Variants in ZNF148 observed in about 807,000 individuals in gnomAD.
ZNF148 encodes the protein zinc finger protein 148.
In ZNF148, 7 loss-of-function variants were observed where a neutral mutation model predicts 67.7. That is an observed-to-expected ratio of 0.10 (90% CI 0.06 to 0.19). The LOEUF (loss-of-function observed/expected upper bound fraction) is 0.19, where lower values mean the gene tolerates loss of function less well. Ranked by LOEUF, ZNF148 falls within the 10% of genes least tolerant of loss-of-function variation. ZNF148 has a pLI of 1.00. For synonymous variants in ZNF148, 333 were observed against 330.7 expected (o/e 1.01, Z -0.08); for missense variants, 583 against 947.1 (o/e 0.62, Z 5.05).
intron 7 of ZNF148, among the ~76,000 whole-genome samples, chr3:125,270,579 G>T (rs143800524): frequency 2.0e-5 from 3 of 152,292 alleles, no homozygotes; most frequent in African/African-American, 7.2e-5. Flanking sequence ...CTACATTAAA[G>T]GAAGGCAGGT....
chr3:125,366,034 A>C (rs891705190), intron 1 of ZNF148, among the ~76,000 whole-genome samples: 1 of 152,116 alleles, frequency 6.6e-6, no homozygotes, highest in Admixed American at 6.5e-5. Context: ...CATTACCCGC[A>C]ATCTACCCAG....
chr3:125,277,496 T>C (rs189768095), intron 7 of ZNF148, among the ~76,000 whole-genome samples: 4 of 152,306 alleles, frequency 2.6e-5, no homozygotes, highest in Non-Finnish European at 5.9e-5. Context: ...ACTTTAAACA[T>C]ATATTTTAGG....
At chr3:125,249,848 A>C (rs1204174336) in intron 7 of ZNF148, among the ~76,000 whole-genome samples, 2 of 152,208 alleles carry the variant, frequency 1.3e-5, no homozygotes, top group East Asian at 3.8e-4. Flanking sequence ...TATTCAGCTT[A>C]AAAAAGGAAA....
chr3:125,278,575 T>G (rs1246128457), intron 6 of ZNF148, among the ~76,000 whole-genome samples: 2 of 152,098 alleles, frequency 1.3e-5, no homozygotes. Context: ...ACTGGCACTG[T>G]TGGTCACATC....
chr3:125,242,496 G>A (rs764028733), intron 7 of ZNF148, among the ~76,000 whole-genome samples: 4 of 152,180 alleles, frequency 2.6e-5, no homozygotes, highest in Admixed American at 6.5e-5. Context: ...GGTGGCACAC[G>A]CCTAATCCCA....
intron 5 of ZNF148, among the ~76,000 whole-genome samples, chr3:125,284,823 T>A (rs1235447324): frequency 6.6e-6 from 1 of 151,204 alleles, no homozygotes; most frequent in Non-Finnish European, 1.5e-5. Context: ...ACCCTCTTCA[T>A]CAGGCATGCT....
At chr3:125,363,607 T>A (rs1482489776) in intron 1 of ZNF148, among the ~76,000 whole-genome samples, 1 of 152,100 alleles carries the variant, frequency 6.6e-6, no homozygotes, top group Non-Finnish European at 1.5e-5. Context: ...GCTATCCCTC[T>A]CCTTTTATTC....
Position 125,372,947 on chromosome 3 carries a change from CA to C in ZNF148, c.-234+2154del, listed in dbSNP as rs1348630174. 1.2e-4 allele frequency among the ~76,000 whole-genome samples: 19 copies of C among 152,022 alleles called. No individual in the cohort carries two copies. In the East Asian group the frequency reaches 3.5e-3, roughly 28 times the overall value. On this transcript the variant is annotated intron_variant, in intron 1 of 8. Transcript: ENST00000360647. ...CGCCATTGCACTCCAGTCTGGGCAA[CA>C]AGAGTGAAACTCCGTCTCAAAAAAA... is the stretch of plus-strand genomic sequence containing the variant.
intron 7 of ZNF148, among the ~76,000 whole-genome samples, chr3:125,263,636 C>G (rs1158775975): frequency 6.6e-6 from 1 of 151,930 alleles, no homozygotes; most frequent in East Asian, 1.9e-4. Context: ...CCTGAGTGAT[C>G]GGGGTGATAA....
At chr3:125,297,730 A>C (rs2107643037) in intron 4 of ZNF148, among the ~76,000 whole-genome samples, 1 of 152,224 alleles carries the variant, frequency 6.6e-6, no homozygotes, top group East Asian at 1.9e-4. Flanking sequence ...AAACAGCTAA[A>C]CTTAAAAGGA....
chr3:125,256,416 C>A (rs1171300188), intron 7 of ZNF148, among the ~76,000 whole-genome samples: 1 of 149,514 alleles, frequency 6.7e-6, no homozygotes, highest in Admixed American at 6.7e-5. Flanking sequence ...GTGGCTCATG[C>A]CCGTAATCCC....
chr3:125,302,298 A>C (rs1409279273), intron 4 of ZNF148, among the ~76,000 whole-genome samples: 4 of 151,060 alleles, frequency 2.6e-5, no homozygotes, highest in Non-Finnish European at 5.9e-5. Flanking sequence ...GGATCACTTG[A>C]CCCAAAGAGA....
intron 7 of ZNF148, among the ~76,000 whole-genome samples, chr3:125,276,334 T>C (rs1012585219): frequency 6.6e-6 from 1 of 152,198 alleles, no homozygotes; most frequent in Admixed American, 6.5e-5. Context: ...CTTAAAAAAC[T>C]GAAACTAGTA....
chr3:125,317,964 C>T (rs1940598994), intron 3 of ZNF148, among the ~76,000 whole-genome samples: 1 of 151,924 alleles, frequency 6.6e-6, no homozygotes, highest in African/African-American at 2.4e-5. Flanking sequence ...CAAAGTGAGT[C>T]ATACCTCTAT....
At chr3:125,280,758 C>CAAAAAAA (rs1299591282) in intron 5 of ZNF148, among the ~76,000 whole-genome samples, 1 of 93,504 alleles carries the variant, frequency 1.1e-5, no homozygotes, top group African/African-American at 3.9e-5. Flanking sequence ...TTGACGAAAG[C>CAAAAAAA]AAAAAAAAAA....
In ZNF148 at chr3:125,331,066, C is replaced by T. The variant is rs139960393; in HGVS notation, c.-153+92G>A. On this transcript the variant is annotated intron_variant, in intron 2 of 8. Transcript: ENST00000360647. ...AAAAGGGATTGGCCATAAATGCACACTTATACCCAACAGTTATTGTAAGTA... is the reference window on the plus strand; with the variant it reads ...AAAAGGGATTGGCCATAAATGCACATTTATACCCAACAGTTATTGTAAGTA... 5.3e-4 allele frequency: 209 copies of T among 398,076 alleles called. 1 individual carries two copies. Among genetic ancestry groups the T allele is most frequent in the African/African-American group, 3.9e-3 (189 of 48,694 alleles). The allele number at this position is 398,076 out of a possible 1,614,324, so 24.7% of individuals were successfully genotyped here.
chr3:125,354,025 G>A (rs939057563), intron 1 of ZNF148, among the ~76,000 whole-genome samples: 6 of 151,990 alleles, frequency 3.9e-5, no homozygotes, highest in South Asian at 4.1e-4. Flanking sequence ...CATCATTTAC[G>A]TTTTTCCATA....
intron 7 of ZNF148, among the ~76,000 whole-genome samples, chr3:125,267,409 G>C (rs1937558359): frequency 6.6e-6 from 1 of 151,994 alleles, no homozygotes; most frequent in Non-Finnish European, 1.5e-5. Flanking sequence ...TGCAATGCTG[G>C]TTCCCCATAT....
chr3:125,297,807 TTC>T (rs1478637685), intron 4 of ZNF148, among the ~76,000 whole-genome samples: 2 of 152,160 alleles, frequency 1.3e-5, no homozygotes, highest in Non-Finnish European at 2.9e-5. Context: ...TTTAAAAAAC[TTC>T]TGTCAGTATG....
Sources: gnomAD v4.1 joint callset for allele counts (sites outside exome capture counted in the v4.1 genomes callset) on GRCh38, gnomAD v4.1.1 for gene constraint, MANE v1.5 for transcripts, NCBI Gene and HGNC (gene_info 2026-07-23, HGNC 2026-07-21) for gene names.